The following SLC16A7 variants were observed in gnomAD, a reference collection of about 807,000 sequenced individuals.
SLC16A7 encodes monocarboxylate transporter 2.
SLC16A7 carries 33 observed loss-of-function variants against 34.9 expected under a neutral mutation model. That is an observed-to-expected ratio of 0.94 (90% CI 0.72 to 1.26). The LOEUF (loss-of-function observed/expected upper bound fraction) is 1.26, where lower values mean the gene tolerates loss of function less well. Among genes scored for constraint, SLC16A7 ranks in the 50% most tolerant of loss-of-function variants. The probability of loss-of-function intolerance (pLI) is 0.00; values close to 1 mark genes in which losing one functional copy is unlikely to be tolerated. For synonymous variants in SLC16A7, 201 were observed against 206.6 expected (o/e 0.97, Z 0.23); for missense variants, 573 against 578.1 (o/e 0.99, Z 0.09).
chr12:59,651,946 G>T (rs1868349453), intron 1 of SLC16A7, among the ~76,000 whole-genome samples: 2 of 152,094 alleles, frequency 1.3e-5, no homozygotes, highest in Non-Finnish European at 2.9e-5. Context: ...ATAGAACTAA[G>T]CTTGAGGTAT....
chr12:59,661,480 G>T (rs1868847682), intron 2 of SLC16A7, among the ~76,000 whole-genome samples: 1 of 152,084 alleles, frequency 6.6e-6, no homozygotes, highest in South Asian at 2.1e-4. Flanking sequence ...TGATGGCGGG[G>T]AGCTAAGTGG....
intron 1 of SLC16A7, among the ~76,000 whole-genome samples, chr12:59,627,739 T>C (rs567084992): frequency 2.6e-5 from 4 of 151,630 alleles, no homozygotes; most frequent in Non-Finnish European, 5.9e-5. Flanking sequence ...CTTTTTCCCT[T>C]TCTTACTCAT....
intron 1 of SLC16A7, among the ~76,000 whole-genome samples, chr12:59,599,720 C>T (rs190036862): frequency 1.1e-3 from 163 of 152,282 alleles, no homozygotes; most frequent in African/African-American, 3.9e-3. Flanking sequence ...GCCCTTTGTT[C>T]CCCTCCTCCC....
At chr12:59,642,384 T>C (rs1335027869) in intron 1 of SLC16A7, among the ~76,000 whole-genome samples, 1 of 152,076 alleles carries the variant, frequency 6.6e-6, no homozygotes, top group Non-Finnish European at 1.5e-5. Flanking sequence ...CATAAAATCA[T>C]GCACATATTT....
intron 3 of SLC16A7, chr12:59,735,818 A>G (rs1335507933): frequency 3.4e-6 from 1 of 293,542 alleles, no homozygotes; most frequent in Non-Finnish European, 5.3e-6. Flanking sequence ...GTAATATATT[A>G]TAAATTTTAT....
chr12:59,774,913 G>C lies in SLC16A7; in HGVS notation c.618G>C (p.Lys206Asn), dbSNP rs779273864. Residue 206 changes from lysine (K) to asparagine (N), a missense_variant, in exon 5 of 6, where the codon AAG (lysine) becomes AAC (asparagine). Transcript: ENST00000547379. ...TTGGACCCAATCAAACCACTTCTAA[G>C]TCTAAAAATAAGACTGGCAAAACAG... ...RPLGPNQTTS[K>N]SKNKTGKTED... 3.1e-6 allele frequency: 5 copies of C among 1,613,752 alleles called. No homozygotes were observed. In the South Asian group the frequency reaches 4.4e-5, roughly 14 times the overall value.
At chr12:59,641,967 G>A (rs1453055801) in intron 1 of SLC16A7, among the ~76,000 whole-genome samples, 1 of 151,946 alleles carries the variant, frequency 6.6e-6, no homozygotes. Flanking sequence ...AAAACACTGA[G>A]TAGCATCTAG....
intron 2 of SLC16A7, among the ~76,000 whole-genome samples, chr12:59,680,077 A>G (rs1870627171): frequency 6.6e-6 from 1 of 152,196 alleles, no homozygotes; most frequent in African/African-American, 2.4e-5. Flanking sequence ...TTTCTGCCTA[A>G]CTTTACTGGC....
chr12:59,634,905 A>C (rs1472867832), intron 1 of SLC16A7, among the ~76,000 whole-genome samples: 1 of 152,046 alleles, frequency 6.6e-6, no homozygotes, highest in Non-Finnish European at 1.5e-5. Flanking sequence ...AAAGGATGGA[A>C]GGGTAGAATG....
chr12:59,725,921 C>T (rs529642860), intron 3 of SLC16A7, among the ~76,000 whole-genome samples: 1 of 152,202 alleles, frequency 6.6e-6, no homozygotes, highest in Non-Finnish European at 1.5e-5. Context: ...CTGTTTACAG[C>T]ATAACATCTT....
At chr12:59,610,343 G>T (rs1266056966) in intron 1 of SLC16A7, among the ~76,000 whole-genome samples, 2 of 152,194 alleles carry the variant, frequency 1.3e-5, no homozygotes, top group Non-Finnish European at 2.9e-5. Context: ...TCTTCCACAT[G>T]TACAATTCCT....
intron 3 of SLC16A7, among the ~76,000 whole-genome samples, chr12:59,727,150 A>G (rs961911874): frequency 2.6e-5 from 3 of 115,392 alleles, no homozygotes; most frequent in Non-Finnish European, 5.4e-5. Context: ...TATGAGATGG[A>G]CATATATATA....
In SLC16A7 at chr12:59,700,468, A is replaced by G. The variant is rs1025884428; in HGVS notation, c.-30-4304A>G. Reference sequence around the variant, plus strand: ...GCATATAATATAGAAAATTTAATATATATTTGAAATATTAATAATTGTATT... The same window carrying G: ...GCATATAATATAGAAAATTTAATATGTATTTGAAATATTAATAATTGTATT... On this transcript the variant is annotated intron_variant, in intron 2 of 5. Coordinates refer to ENST00000547379, the MANE Select transcript of SLC16A7 (RefSeq NM_001270623.2). Among the ~76,000 whole-genome samples the G allele has an allele frequency of 2.7e-5, 4 of 149,292 alleles. No individual in the cohort carries two copies. In the East Asian group the frequency reaches 7.8e-4, roughly 29 times the overall value.
chr12:59,699,962 G>T (rs1385064911), intron 2 of SLC16A7, among the ~76,000 whole-genome samples: 1 of 151,328 alleles, frequency 6.6e-6, no homozygotes, highest in Non-Finnish European at 1.5e-5. Flanking sequence ...TGGTGATCTT[G>T]CTGTTTAAAA....
rs1407695899 is a variant in SLC16A7 at position 59,789,469 on chromosome 12, G to C, written c.*9790G>C. The C allele has an allele frequency of 3.9e-5, 6 of 152,080 alleles. No individual in the cohort carries two copies. The highest frequency in any genetic ancestry group is 8.8e-5 in the Non-Finnish European group (6 of 67,984). 9.4% of individuals were successfully genotyped at this position (152,080 alleles called of 1,614,324 possible). A position where few individuals can be genotyped will look rare whatever the true frequency, so the allele number is the denominator to read the frequency against. On this transcript the variant is annotated 3_prime_UTR_variant, in exon 6 of 6. Coordinates refer to ENST00000547379, the MANE Select transcript of SLC16A7 (RefSeq NM_001270623.2). ...TTTTCTTTTCAAAATCAGAAATGCT[G>C]TATTTAAGCTTCCTGGAAATGTCGA...
At chr12:59,703,440 G>T (rs1351508890) in intron 2 of SLC16A7, among the ~76,000 whole-genome samples, 1 of 151,672 alleles carries the variant, frequency 6.6e-6, no homozygotes, top group Non-Finnish European at 1.5e-5. Flanking sequence ...ACATCACATT[G>T]TACCCCATAA....
At chr12:59,732,375 G>A (rs1234592017) in intron 3 of SLC16A7, among the ~76,000 whole-genome samples, 3 of 152,090 alleles carry the variant, frequency 2.0e-5, no homozygotes, top group Non-Finnish European at 4.4e-5. Context: ...AGCCGAGATC[G>A]CGCCACTGCA....
chr12:59,764,797 G>A (rs1017110983), intron 3 of SLC16A7, among the ~76,000 whole-genome samples: 2 of 152,174 alleles, frequency 1.3e-5, no homozygotes, highest in Admixed American at 1.3e-4. Context: ...AAACATACGT[G>A]TGCATGTGTC....
intron 3 of SLC16A7, chr12:59,719,554 T>C (rs905697046): frequency 1.3e-5 from 2 of 152,166 alleles, no homozygotes; most frequent in Admixed American, 6.6e-5. Flanking sequence ...AATTCATTAG[T>C]GATAGCTGTA....
Sources: allele counts gnomAD v4.1 joint callset (sites outside exome capture counted in the v4.1 genomes callset), GRCh38; gene constraint gnomAD v4.1.1; transcripts MANE v1.5; gene names NCBI Gene and HGNC (gene_info 2026-07-23, HGNC 2026-07-21).